The following PHACTR1 variants were observed in gnomAD, a reference collection of about 807,000 sequenced individuals.
PHACTR1 encodes the protein RPEL repeat containing 1.
Under a neutral mutation model 69.2 loss-of-function variants are expected in PHACTR1, and 16 were observed. The ratio of observed to expected loss-of-function variants is 0.23; its 90% CI spans 0.16 to 0.35. The LOEUF is 0.35. Ranked by LOEUF, PHACTR1 falls within the 10% of genes least tolerant of loss-of-function variation. The pLI is 1.00. For missense variants in PHACTR1, 510 were observed against 734.7 expected (o/e 0.69, Z 3.54); for synonymous variants, 312 against 284.5 (o/e 1.10, Z -0.97).
At chr6:12,755,522 A>G (rs1767208272) in intron 4 of PHACTR1, among the ~76,000 whole-genome samples, 1 of 152,244 alleles carries the variant, frequency 6.6e-6, no homozygotes, top group South Asian at 2.1e-4. Flanking sequence ...ATAAGAATGA[A>G]AATATTTGAT....
intron 10 of PHACTR1, among the ~76,000 whole-genome samples, chr6:13,231,084 G>GAAGGGAAAAGA (rs1770915788): frequency 1.0e-4 from 2 of 19,114 alleles, no homozygotes; most frequent in African/African-American, 3.8e-4. Flanking sequence ...AGGAAGGAAG[G>GAAGGGAAAAGA]AAGAAGGAAG....
intron 10 of PHACTR1, among the ~76,000 whole-genome samples, chr6:13,233,999 A>T (rs12194742): frequency 0.84 from 128,274 of 152,186 alleles, 54,489 homozygotes; most frequent in Middle Eastern, 0.9. Flanking sequence ...TTGTACAGAG[A>T]TCAGCACATC....
At chr6:12,745,770 A>C (rs533181035) in intron 3 of PHACTR1, among the ~76,000 whole-genome samples, 3 of 152,218 alleles carry the variant, frequency 2.0e-5, no homozygotes, top group Non-Finnish European at 4.4e-5. Context: ...ATAACACTAG[A>C]GTATTGGAGT....
intron 4 of PHACTR1, among the ~76,000 whole-genome samples, chr6:12,869,959 C>A (rs533598018): frequency 1.3e-5 from 2 of 152,292 alleles, no homozygotes; most frequent in Admixed American, 1.3e-4. Flanking sequence ...GGTGACTAAA[C>A]TGTGACCTTA....
chr6:13,044,112 T>C (rs747398250), intron 4 of PHACTR1, among the ~76,000 whole-genome samples: 58 of 152,098 alleles, frequency 3.8e-4, no homozygotes, highest in Non-Finnish European at 6.2e-4. Flanking sequence ...TATTTAAAAT[T>C]TTATAATTTT....
chr6:13,193,085 T>C (rs750903091), intron 7 of PHACTR1, among the ~76,000 whole-genome samples: 5 of 151,974 alleles, frequency 3.3e-5, no homozygotes, highest in Non-Finnish European at 7.4e-5. Context: ...GGTCCAGCCG[T>C]AGTTCTCAGG....
At chr6:12,856,344 C>T (rs1780365074) in intron 4 of PHACTR1, among the ~76,000 whole-genome samples, 1 of 150,462 alleles carries the variant, frequency 6.6e-6, no homozygotes, top group Non-Finnish European at 1.5e-5. Flanking sequence ...AGCTCCGCCT[C>T]CCAGGCTCAA....
At chr6:13,028,292 T>C (rs1233714201) in intron 4 of PHACTR1, among the ~76,000 whole-genome samples, 2 of 152,198 alleles carry the variant, frequency 1.3e-5, no homozygotes, top group Non-Finnish European at 2.9e-5. Flanking sequence ...TGAGATTCCT[T>C]TGTGATTTGT....
chr6:12,997,080 G>C (rs1458298526), intron 4 of PHACTR1, among the ~76,000 whole-genome samples: 1 of 151,768 alleles, frequency 6.6e-6, no homozygotes, highest in African/African-American at 2.4e-5. Context: ...CAGGAGAATC[G>C]CTTGAACCTG....
chr6:12,840,725 A>G (rs1484611356), intron 4 of PHACTR1, among the ~76,000 whole-genome samples: 1 of 152,210 alleles, frequency 6.6e-6, no homozygotes, highest in Non-Finnish European at 1.5e-5. Flanking sequence ...ACCAAAAGGA[A>G]AGTACATAGG....
intron 4 of PHACTR1, among the ~76,000 whole-genome samples, chr6:12,973,163 C>A (rs778219618): frequency 7.9e-5 from 12 of 152,152 alleles, no homozygotes; most frequent in South Asian, 2.1e-4. Context: ...TAGGCCACCA[C>A]CCTGCTCTAG....
At chr6:12,959,273 T>TA (rs1211886572) in intron 4 of PHACTR1, among the ~76,000 whole-genome samples, 1 of 151,594 alleles carries the variant, frequency 6.6e-6, no homozygotes, top group Non-Finnish European at 1.5e-5. Flanking sequence ...GATATTTGTA[T>TA]ATCGGAATTA....
chr6:13,078,158 T>C (rs562159871), intron 5 of PHACTR1, among the ~76,000 whole-genome samples: 32 of 152,106 alleles, frequency 2.1e-4, no homozygotes, highest in African/African-American at 7.7e-4. Context: ...GCTGTTTTTT[T>C]TGGGGGGAGT....
intron 4 of PHACTR1, among the ~76,000 whole-genome samples, chr6:12,843,439 G>A (rs1401718170): frequency 1.3e-5 from 2 of 152,194 alleles, no homozygotes; most frequent in African/African-American, 2.4e-5. Flanking sequence ...AGAGCCCAGA[G>A]AGTGGAAAAT....
chr6:13,120,327 A>G (rs1048689450), intron 5 of PHACTR1, among the ~76,000 whole-genome samples: 17 of 151,964 alleles, frequency 1.1e-4, no homozygotes, highest in African/African-American at 4.1e-4. Flanking sequence ...AAAACAGAAG[A>G]CCCAGTGAAA....
intron 8 of PHACTR1, among the ~76,000 whole-genome samples, chr6:13,223,457 G>A (rs1482255419): frequency 6.6e-6 from 1 of 152,136 alleles, no homozygotes; most frequent in Non-Finnish European, 1.5e-5. Context: ...TCATGGCAGG[G>A]TAGAATACTA....
chr6:13,277,329 G>C (rs1403389266), intron 11 of PHACTR1, among the ~76,000 whole-genome samples: 2 of 152,196 alleles, frequency 1.3e-5, no homozygotes, highest in Admixed American at 1.3e-4. Context: ...CTCCTAAAGA[G>C]TCTACATGCA....
intron 4 of PHACTR1, among the ~76,000 whole-genome samples, chr6:12,973,670 G>T (rs964320554): frequency 2.0e-5 from 3 of 152,104 alleles, no homozygotes; most frequent in African/African-American, 7.2e-5. Context: ...CTCTAGGGTT[G>T]CTCACTTACT....
In PHACTR1 at chr6:13,216,384, C is replaced by A. The variant is rs898303951; in HGVS notation, c.986+10248C>A. ...GTATTGGCTTATGTCTGTAATGTTTCACCTGCTAATTAGGGTGTTCCCTGA... is the reference window on the plus strand; with the variant it reads ...GTATTGGCTTATGTCTGTAATGTTTAACCTGCTAATTAGGGTGTTCCCTGA... On this transcript the variant is annotated intron_variant, in intron 8 of 14. Coordinates refer to ENST00000332995, the MANE Select transcript of PHACTR1 (RefSeq NM_030948.6). Among the ~76,000 whole-genome samples the A allele has an allele frequency of 8.5e-5, 13 of 152,190 alleles. 1 individual carries two copies. The highest frequency in any genetic ancestry group is 3.1e-4 in the African/African-American group (13 of 41,446).
Sources: allele counts gnomAD v4.1 joint callset (sites outside exome capture counted in the v4.1 genomes callset), GRCh38; gene constraint gnomAD v4.1.1; transcripts MANE v1.5; gene names NCBI Gene and HGNC (gene_info 2026-07-23, HGNC 2026-07-21).